Variants in TEPSIN observed in about 807,000 individuals in gnomAD.
TEPSIN encodes TEPSIN adaptor related protein complex 4 accessory protein, also known as AP-4 complex accessory subunit tepsin.
A neutral mutation model predicts 48.5 loss-of-function variants in TEPSIN; 50 were observed. That is an observed-to-expected ratio of 1.03 (90% confidence interval 0.82 to 1.31). The LOEUF (loss-of-function observed/expected upper bound fraction) is 1.31, where lower values mean the gene tolerates loss of function less well. Ranked by LOEUF, TEPSIN falls within the 50% of genes most tolerant of loss-of-function variation. The pLI is 0.00. For synonymous variants in TEPSIN, 392 were observed against 358.8 expected (o/e 1.09, Z -1.05); for missense variants, 838 against 815.9 (o/e 1.03, Z -0.33).
rs935644835 is a variant in TEPSIN at position 81,231,563 on chromosome 17, T to C, written c.1019+15A>G. On this transcript the variant is annotated intron_variant, in intron 10 of 12. Transcript: ENST00000637944. ...TGGGGCTGAGGCAGAGCAGGGCGGG[T>C]CCGGGCGCACTCACGCTTTGATGAA... 8 of 1,606,590 alleles carry C rather than the reference T, an allele frequency of 5.0e-6. No homozygotes were observed. The highest frequency in any genetic ancestry group is 4.5e-5 in the East Asian group (2 of 44,430).
At position 81,237,879 on chromosome 17, in the gene TEPSIN, C is replaced by G. The variant is rs116620033; in HGVS notation, c.49-420G>C. ...ATGAATCGTTCCACCTCCCCAGAGG[C>G]CGGAATGGCAGAGTGACAGCCGCTC... On this transcript the variant is annotated intron_variant, in intron 1 of 12. Transcript: ENST00000637944. 3,139 of 754,926 alleles carry G rather than the reference C, an allele frequency of 4.2e-3. 96 individuals are homozygous for G. In the African/African-American group the frequency reaches 0.056, roughly 14 times the overall value. 46.8% of individuals were successfully genotyped at this position (754,926 alleles called of 1,614,324 possible). A position where few individuals can be genotyped will look rare whatever the true frequency, so the allele number is the denominator to read the frequency against.
At position 81,234,627 on chromosome 17, in the gene TEPSIN, G is replaced by C. The variant is rs1422213990; in HGVS notation, c.308-579C>G. 6.6e-6 allele frequency among the ~76,000 whole-genome samples: 1 copy of C among 152,004 alleles called. No individual in the cohort carries two copies. On this transcript the variant is annotated intron_variant, in intron 4 of 12. Transcript: ENST00000637944. This position sits in a 1 kb window ranked among gnomAD's most constrained non-coding sequence, Gnocchi z 5.4. ...CTCTGAGAACCCCTCGAGAGCCTCT[G>C]TCACAGGCGAATCCACTCACGCCCC... is the stretch of plus-strand genomic sequence containing the variant.
chr17:81,237,239 A>G (rs2062739748), intron 2 of TEPSIN, 148 bp downstream of exon 2: 1 of 1,195,898 alleles, frequency 8.4e-7, no homozygotes, highest in Non-Finnish European at 1.2e-6. Context: ...TCAGTATTGC[A>G]GCCTTCAGAC....
intron 7 of TEPSIN, chr17:81,232,847 C>A: frequency 6.4e-6 from 2 of 311,320 alleles, no homozygotes; most frequent in Non-Finnish European, 5.9e-6. Flanking sequence ...CGGGGAGGGG[C>A]CGGCCTTTCC....
rs2062564458 is a variant in TEPSIN, at chr17:81,230,322, G to A, written c.1233+222C>T. The A allele has an allele frequency of 3.6e-6, 2 of 552,704 alleles. No individual in the cohort carries two copies. Among genetic ancestry groups the A allele is most frequent in the Non-Finnish European group, 6.3e-6 (2 of 318,870 alleles). 34.2% of individuals were successfully genotyped at this position (552,704 alleles called of 1,614,324 possible). ...CTTCCAGGAATAGGTAGAGGCCAGT[G>A]TACTGTGAGTGCTGCAGAGTTTGGG... On this transcript the variant is annotated intron_variant, in intron 12 of 12. Coordinates refer to ENST00000637944, the MANE Select transcript of TEPSIN (RefSeq NM_001363764.2). This position sits in a 1 kb window ranked among gnomAD's most constrained non-coding sequence, Gnocchi z 4.2.
At position 81,228,887 on chromosome 17, in the gene TEPSIN, A is replaced by C. The variant is rs111875767; in HGVS notation, c.*41T>G. ...GCTCAGGAAGCACAGACCGCCCCAGACAGCAGCTGAAGCTGAAGACTCCAG... is the reference window on the plus strand; with the variant it reads ...GCTCAGGAAGCACAGACCGCCCCAGCCAGCAGCTGAAGCTGAAGACTCCAG... On this transcript the variant is annotated 3_prime_UTR_variant, in exon 13 of 13. Coordinates refer to ENST00000637944, the MANE Select transcript of TEPSIN (RefSeq NM_001363764.2). 2.1e-3 allele frequency: 3,368 copies of C among 1,608,588 alleles called. 66 individuals are homozygous for C. The African/African-American group carries it at 0.039, about 19-fold the overall frequency.
In TEPSIN at chr17:81,233,011, A is replaced by C; in HGVS notation, c.526+421T>G. 1 of 248,644 alleles carries C rather than the reference A, an allele frequency of 4.0e-6. No homozygotes were observed. Among genetic ancestry groups the C allele is most frequent in the Non-Finnish European group, 7.8e-6 (1 of 128,394 alleles). 15.4% of individuals were successfully genotyped at this position (248,644 alleles called of 1,614,324 possible). A position where few individuals can be genotyped will look rare whatever the true frequency, so the allele number is the denominator to read the frequency against. Reference sequence around the variant, plus strand: ...ACAGCTGGGCTGGGGGCTGGGTCCCAGCCGCAGGCAGTGGTGCCACCTGTG... The same window carrying C: ...ACAGCTGGGCTGGGGGCTGGGTCCCCGCCGCAGGCAGTGGTGCCACCTGTG... On this transcript the variant is annotated intron_variant, in intron 7 of 12. Coordinates refer to ENST00000637944, the MANE Select transcript of TEPSIN (RefSeq NM_001363764.2). This position sits in a 1 kb window ranked among gnomAD's most constrained non-coding sequence, Gnocchi z 5.8.
chr17:81,230,430 G>T lies in TEPSIN; in HGVS notation c.1233+114C>A. 2 of 1,435,282 alleles carry T rather than the reference G, an allele frequency of 1.4e-6. No homozygotes were observed. The highest frequency in any genetic ancestry group is 1.3e-5 in the South Asian group (1 of 76,496). 88.9% of individuals were successfully genotyped at this position (1,435,282 alleles called of 1,614,324 possible). On this transcript the variant is annotated intron_variant, in intron 12 of 12. Transcript: ENST00000637944. This position sits in a 1 kb window ranked among gnomAD's most constrained non-coding sequence, Gnocchi z 4.2. The stretch of plus-strand genomic sequence containing the variant: ...CCAGCGGGACAGGGACTTGAGAGGG[G>T]GTCCGGGAAGGGCTGACCAGGCGCC...
intron 11 of TEPSIN, 61 bp downstream of exon 11, chr17:81,231,335 GCA>G (rs913298594): frequency 1.2e-5 from 17 of 1,369,954 alleles, no homozygotes; most frequent in East Asian, 2.5e-5. Flanking sequence ...ACACGCACAC[GCA>G]CACACACGCA....
chr17:81,229,234 G>A lies in TEPSIN; in HGVS notation c.1476C>T (p.Pro492=). 1 of 1,593,116 alleles carries A rather than the reference G, an allele frequency of 6.3e-7. No individual in the cohort carries two copies. The highest frequency in any genetic ancestry group is 8.5e-7 in the Non-Finnish European group (1 of 1,171,076). Reference sequence around the variant, plus strand: ...CGCTGGGGTCTCCGGGGGCTGGAATGGGGGAGGCATCTGGGGGTGGGGTGG... The same window carrying A: ...CGCTGGGGTCTCCGGGGGCTGGAATAGGGGAGGCATCTGGGGGTGGGGTGG... ...PVPTPPPDAS[P]IPAPGDPSEA... The change falls in exon 13 of 13, where the codon CCC becomes CCT. Residue 492 remains proline (P), a synonymous_variant. Coordinates refer to ENST00000637944, the MANE Select transcript of TEPSIN (RefSeq NM_001363764.2).
At chr17:81,231,512 C>A (rs760917434) in intron 10 of TEPSIN, 36 bp from the exon 11 acceptor site, 68 of 1,569,232 alleles carry the variant, frequency 4.3e-5, no homozygotes, top group Non-Finnish European at 5.6e-5. Flanking sequence ...CGGGTGCGGC[C>A]CGTTCCCTCC....
Position 81,229,496 on chromosome 17 carries a change from C to A in TEPSIN, c.1234-20G>T. ...CAGGATCTGAAAGAGGAAGGAGGAA[C>A]CAGGGAGGTTCCTATGCAACCCTGG... On this transcript the variant is annotated intron_variant, in intron 12 of 12. Transcript: ENST00000637944. The A allele has an allele frequency of 6.5e-7, 1 of 1,549,000 alleles. No individual in the cohort carries two copies. Among genetic ancestry groups the A allele is most frequent in the African/African-American group, 1.4e-5 (1 of 72,976 alleles).
intron 1 of TEPSIN, chr17:81,238,706 G>A: frequency 5.7e-6 from 7 of 1,217,602 alleles, no homozygotes; most frequent in Non-Finnish European, 7.2e-6. Flanking sequence ...TCCCGTCGGA[G>A]GCCACTGAAT....
In TEPSIN at chr17:81,233,238, T is replaced by G; in HGVS notation, c.526+194A>C. On this transcript the variant is annotated intron_variant, in intron 7 of 12. Transcript: ENST00000637944. The surrounding 1 kb of genome is among the most constrained non-coding windows in gnomAD (Gnocchi z 5.8). ...CTCTCATCTGTCCATAAAGCAGCCC[T>G]GGCCACACCTGCCCCACCCCCACGT... 1.5e-6 allele frequency: 1 copy of G among 663,938 alleles called. No homozygotes were observed. The highest frequency in any genetic ancestry group is 2.8e-5 in the East Asian group (1 of 35,400). The allele number at this position is 663,938 out of a possible 1,614,324, so 41.1% of individuals were successfully genotyped here.
rs1332059023 is a variant in TEPSIN at position 81,237,038 on chromosome 17, C to T, written c.155G>A (p.Cys52Tyr). Residue 52 changes from cysteine to tyrosine, a missense_variant, in exon 3 of 13, where the codon TGC becomes TAC. Coordinates refer to ENST00000637944, the MANE Select transcript of TEPSIN (RefSeq NM_001363764.2). ...ISHESPGSSQ[C>Y]LLEYLLSRLH... ...GCGGCTCAGGAGGTACTCCAGCAGG[C>T]ACTGGCTGCTGCCCGGAGACTCGTG... 6.3e-7 allele frequency: 1 copy of T among 1,598,110 alleles called. No individual in the cohort carries two copies. The highest frequency in any genetic ancestry group is 8.5e-7 in the Non-Finnish European group (1 of 1,172,848).
chr17:81,230,321 T>G lies in TEPSIN; in HGVS notation c.1233+223A>C. 1.8e-6 allele frequency: 1 copy of G among 547,062 alleles called. No homozygotes were observed. Among genetic ancestry groups the G allele is most frequent in the Non-Finnish European group, 3.2e-6 (1 of 315,498 alleles). The allele number at this position is 547,062 out of a possible 1,614,324, so 33.9% of individuals were successfully genotyped here. A position where few individuals can be genotyped will look rare whatever the true frequency, so the allele number is the denominator to read the frequency against. ...GCTTCCAGGAATAGGTAGAGGCCAG[T>G]GTACTGTGAGTGCTGCAGAGTTTGG... On this transcript the variant is annotated intron_variant, in intron 12 of 12. Transcript: ENST00000637944. The surrounding 1 kb of genome is among the most constrained non-coding windows in gnomAD (Gnocchi z 4.2).
At chr17:81,229,654 G>A (rs1301276951) in intron 12 of TEPSIN, 178 bp from the exon 13 acceptor site, 4 of 654,918 alleles carry the variant, frequency 6.1e-6, no homozygotes, top group African/African-American at 3.7e-5. Flanking sequence ...TCATCCCACC[G>A]AGAGCAGCTG....
intron 4 of TEPSIN, among the ~76,000 whole-genome samples, chr17:81,236,214 G>A (rs1396140242): frequency 6.6e-6 from 1 of 152,176 alleles, no homozygotes; most frequent in Non-Finnish European, 1.5e-5. Flanking sequence ...GACTGGCCGG[G>A]GCCCCGCCTC....
chr17:81,237,506 CAG>C, intron 1 of TEPSIN, 47 bp from the exon 2 acceptor site: 1 of 1,563,752 alleles, frequency 6.4e-7, no homozygotes, highest in Non-Finnish European at 8.7e-7. Flanking sequence ...CCATTTCCCA[CAG>C]GGGTGAATCC....
Sources: allele counts gnomAD v4.1 joint callset (sites outside exome capture counted in the v4.1 genomes callset), GRCh38; gene constraint gnomAD v4.1.1; non-coding constraint Gnocchi (gnomAD v3.1); transcripts MANE v1.5; gene names NCBI Gene and HGNC (gene_info 2026-07-23, HGNC 2026-07-21).